TEX9: variants seen among roughly 807,000 people sequenced by gnomAD.
The protein encoded by TEX9 is testis-expressed protein 9.
In TEX9, 74 loss-of-function variants were observed where a neutral mutation model predicts 59.6. That is an observed-to-expected ratio of 1.24 (90% confidence interval 1.03 to 1.51). The LOEUF is 1.51. Among genes scored for constraint, TEX9 ranks in the 40% most tolerant of loss-of-function variants. The pLI is 0.00. For missense variants in TEX9, 522 were observed against 447.8 expected (o/e 1.17, Z -1.49); for synonymous variants, 186 against 152.2 (o/e 1.22, Z -1.64).
chr15:56,244,722 T>C (rs1460923268), intron 1 of TEX9, among the ~76,000 whole-genome samples: 1 of 152,006 alleles, frequency 6.6e-6, no homozygotes, highest in Non-Finnish European at 1.5e-5. Context: ...AAGAAACGCA[T>C]GTAGTACTCA....
At chr15:56,384,147 T>C (rs1049279546) in intron 4 of TEX9, 116 bp downstream of exon 4, 3 of 742,952 alleles carry the variant, frequency 4.0e-6, no homozygotes, top group Non-Finnish European at 6.6e-6. Context: ...ATAATGTATA[T>C]ATAGGGGGCT....
the TEX9 span, among the ~76,000 whole-genome samples, chr15:56,457,956 C>T: frequency 5.3e-5 from 8 of 152,154 alleles, no homozygotes; most frequent in East Asian, 1.5e-3. Context: ...ATAGCCAATA[C>T]CAAAAATACT....
chr15:56,367,618 C>T (rs1342311794), intron 2 of TEX9, among the ~76,000 whole-genome samples: 1 of 152,134 alleles, frequency 6.6e-6, no homozygotes, highest in Admixed American at 6.5e-5. Flanking sequence ...TCATAAATCG[C>T]AATTACATTG....
the TEX9 span, among the ~76,000 whole-genome samples, chr15:56,458,642 T>TA: frequency 6.6e-6 from 1 of 152,200 alleles, no homozygotes; most frequent in South Asian, 2.1e-4. Context: ...AAAAACAACT[T>TA]ACATTTTTAC....
intron 1 of TEX9, among the ~76,000 whole-genome samples, chr15:56,342,434 C>A (rs747279000): frequency 6.6e-6 from 1 of 151,900 alleles, no homozygotes; most frequent in Non-Finnish European, 1.5e-5. Context: ...TTTCTATTGC[C>A]GCTTGCAACA....
At chr15:56,385,360 C>T (rs148319987) in intron 4 of TEX9, among the ~76,000 whole-genome samples, 3 of 152,162 alleles carry the variant, frequency 2.0e-5, no homozygotes. Flanking sequence ...AACCTTGAGA[C>T]AAATATCAGA....
chr15:56,318,939 T>G (rs1384856426), intron 1 of TEX9, among the ~76,000 whole-genome samples: 1 of 152,170 alleles, frequency 6.6e-6, no homozygotes, highest in East Asian at 1.9e-4. Context: ...ATTAAAGAAC[T>G]CTACGCTATT....
chr15:56,297,488 C>G (rs12439300), intron 1 of TEX9, among the ~76,000 whole-genome samples: 4 of 152,302 alleles, frequency 2.6e-5, no homozygotes, highest in Admixed American at 2.0e-4. Flanking sequence ...ACCTAACACT[C>G]TACCCAGGTG....
chr15:56,338,101 G>A (rs2046293159), intron 1 of TEX9, among the ~76,000 whole-genome samples: 1 of 152,138 alleles, frequency 6.6e-6, no homozygotes, highest in African/African-American at 2.4e-5. Context: ...AAATGACCAG[G>A]TGGCAGCCAT....
chr15:56,294,732 G>T (rs2045178009), intron 1 of TEX9, among the ~76,000 whole-genome samples: 1 of 152,160 alleles, frequency 6.6e-6, no homozygotes, highest in Non-Finnish European at 1.5e-5. Flanking sequence ...AAATACCATG[G>T]TAATGCTTGG....
At chr15:56,434,302 T>C (rs2050680538) in intron 12 of TEX9, 1 of 1,613,824 alleles carries the variant, frequency 6.2e-7, no homozygotes, top group South Asian at 1.1e-5. Context: ...TCTTCCTCTT[T>C]TGCAGCCTGT....
chr15:56,316,939 T>G (rs2045784782), intron 1 of TEX9, among the ~76,000 whole-genome samples: 1 of 152,180 alleles, frequency 6.6e-6, no homozygotes, highest in South Asian at 2.1e-4. Context: ...ACCCCTTTCT[T>G]TGACTCAGAA....
the TEX9 span, among the ~76,000 whole-genome samples, chr15:56,459,974 G>C: frequency 2.1e-3 from 148 of 71,566 alleles, 3 homozygotes; most frequent in African/African-American, 8.2e-3. Flanking sequence ...TGGGCAACAA[G>C]AGCGAAATTC....
At chr15:56,368,424 A>G (rs1021167329) in intron 2 of TEX9, among the ~76,000 whole-genome samples, 1 of 152,110 alleles carries the variant, frequency 6.6e-6, no homozygotes, top group Non-Finnish European at 1.5e-5. Flanking sequence ...TATCAGTATC[A>G]TTCTGTCTGT....
rs74015403 is a variant in TEX9 at position 56,337,959 on chromosome 15, G to A, written c.-106-35482G>A. On this transcript the variant is annotated intron_variant, in intron 1 of 5. Coordinates refer to the TEX9 transcript ENST00000560827. ...TATTTCAGGTTGATAAGACATTCCA[G>A]TAGATGAGCTACATCCTAAATGGTT... is the stretch of plus-strand genomic sequence containing the variant. 4.4e-3 allele frequency among the ~76,000 whole-genome samples: 672 copies of A among 152,292 alleles called. 12 individuals are homozygous for A. The highest frequency in any genetic ancestry group is 0.016 in the African/African-American group (656 of 41,560).
intron 12 of TEX9, chr15:56,444,464 C>G (rs1406212854): frequency 6.2e-7 from 1 of 1,606,958 alleles, no homozygotes; most frequent in East Asian, 2.2e-5. Flanking sequence ...CTTCATAGAT[C>G]TTCCTAACAA....
Position 56,339,390 on chromosome 15 carries a change from A to AAAAAC in TEX9, c.-106-34047_-106-34046insCAAAA, listed in dbSNP as rs1429946773. ...AGAGCAAGACTCCTTCTCCAAAAAAAAAAAAAAAAAAAAAAAAAAAAAAAC... is the reference window on the plus strand; with the variant it reads ...AGAGCAAGACTCCTTCTCCAAAAAAAAAAACAAAAAAAAAAAAAAAAAAAAAAAAC... On this transcript the variant is annotated intron_variant, in intron 1 of 5. Transcript: ENST00000560827. Among the ~76,000 whole-genome samples the AAAAAC allele has an allele frequency of 5.6e-5, 6 of 107,000 alleles. 1 individual carries two copies. The Admixed American group carries it at 5.7e-4, about 10-fold the overall frequency. The allele number at this position is 107,000 out of a possible 152,430, so 70.2% of individuals were successfully genotyped here.
At chr15:56,296,074 C>G (rs1470571832) in intron 1 of TEX9, among the ~76,000 whole-genome samples, 3 of 152,190 alleles carry the variant, frequency 2.0e-5, no homozygotes, top group African/African-American at 7.2e-5. Context: ...CCCTGTGACC[C>G]AATCCTATAA....
At chr15:56,412,564 AT>A (rs1389087654) in intron 10 of TEX9, 128 bp downstream of exon 10, 2 of 1,063,524 alleles carry the variant, frequency 1.9e-6, no homozygotes, top group African/African-American at 3.2e-5. Context: ...TTCAGAAGAA[AT>A]ATATTCATTA....
Sources: gnomAD v4.1 joint callset for allele counts (sites outside exome capture counted in the v4.1 genomes callset) on GRCh38, gnomAD v4.1.1 for gene constraint, MANE v1.5 for transcripts, NCBI Gene and HGNC (gene_info 2026-07-23, HGNC 2026-07-21) for gene names.